Variants in NR6A1 observed in about 807,000 individuals in gnomAD.
NR6A1 encodes the protein nuclear receptor subfamily 6 group A member 1, also known as retinoic acid receptor-related testis-associated receptor.
In NR6A1, 7 loss-of-function variants were observed where a neutral mutation model predicts 59.1. The observed-to-expected ratio is 0.12, with a 90% CI of 0.07 to 0.22. NR6A1 has a LOEUF of 0.22. Among genes scored for constraint, NR6A1 ranks in the 10% least tolerant of loss-of-function variants. NR6A1 has a pLI of 1.00. For synonymous variants in NR6A1, 243 were observed against 236.1 expected (o/e 1.03, Z -0.27); for missense variants, 468 against 611.6 (o/e 0.77, Z 2.48).
In NR6A1 at chr9:124,738,864, G is replaced by A. The variant is rs141649462; in HGVS notation, c.101-5515C>T. On this transcript the variant is annotated intron_variant, in intron 1 of 9. Transcript: ENST00000487099. The stretch of plus-strand genomic sequence containing the variant: ...CTAAAAATACAAAAATTAGCCAGGC[G>A]TGGTGGCGCATGCTGTAGTCCTAGC... 1.1e-3 allele frequency among the ~76,000 whole-genome samples: 165 copies of A among 152,006 alleles called. 2 individuals are homozygous for A. The highest frequency in any genetic ancestry group is 4.8e-3 in the East Asian group (25 of 5,172).
intron 2 of NR6A1, among the ~76,000 whole-genome samples, chr9:124,646,184 T>G (rs1010535188): frequency 6.6e-6 from 1 of 152,016 alleles, no homozygotes; most frequent in African/African-American, 2.4e-5. Flanking sequence ...AGCTTCCACC[T>G]TAGGAAGCTA....
chr9:124,557,246 T>C (rs906340932), intron 2 of NR6A1, among the ~76,000 whole-genome samples: 1 of 152,156 alleles, frequency 6.6e-6, no homozygotes, highest in Non-Finnish European at 1.5e-5. Flanking sequence ...GTAATGATCC[T>C]GCCTCAGCCT....
intron 1 of NR6A1, among the ~76,000 whole-genome samples, chr9:124,762,893 T>G (rs537770876): frequency 1.3e-5 from 2 of 152,220 alleles, no homozygotes; most frequent in African/African-American, 4.8e-5. Context: ...GTACAAGTTT[T>G]CCAAAACTAA....
At chr9:124,522,828 G>C (rs1466591949) in intron 9 of NR6A1, 35 bp from the exon 10 acceptor site, 1 of 1,528,256 alleles carries the variant, frequency 6.5e-7, no homozygotes, top group Non-Finnish European at 8.9e-7. Context: ...AGTTAGCAGT[G>C]GTCACTCTAG....
intron 2 of NR6A1, among the ~76,000 whole-genome samples, chr9:124,711,512 CA>C (rs1004711633): frequency 6.6e-6 from 1 of 151,656 alleles, no homozygotes; most frequent in Admixed American, 6.6e-5. Flanking sequence ...GTGTCAGACC[CA>C]AAAATGGCGA....
rs149091923 is a variant in NR6A1, at chr9:124,610,618, A to G, written c.143-56048T>C. 4.7e-3 allele frequency among the ~76,000 whole-genome samples: 717 copies of G among 152,298 alleles called. 10 individuals carry two copies. The highest frequency in any genetic ancestry group is 0.016 in the African/African-American group (677 of 41,556). ...ATCAGGATGATGCTGGCCTCATAAA[A>G]TGAGTTAGGGAGGAGTTCCTACTTT... On this transcript the variant is annotated intron_variant, in intron 2 of 9. Coordinates refer to ENST00000487099, the MANE Select transcript of NR6A1 (RefSeq NM_033334.4).
chr9:124,555,737 T>C (rs1419495305), intron 2 of NR6A1, among the ~76,000 whole-genome samples: 1 of 152,214 alleles, frequency 6.6e-6, no homozygotes, highest in African/African-American at 2.4e-5. Context: ...TAGGGAAAAA[T>C]TGACCTTCTT....
chr9:124,661,203 T>G (rs1351750316), intron 2 of NR6A1, among the ~76,000 whole-genome samples: 2 of 152,174 alleles, frequency 1.3e-5, no homozygotes, highest in African/African-American at 4.8e-5. Context: ...CACTTTATTA[T>G]CAAATTAGTG....
chr9:124,751,553 G>A (rs7025189), intron 1 of NR6A1, among the ~76,000 whole-genome samples: 5,810 of 152,186 alleles, frequency 0.038, 318 homozygotes, highest in African/African-American at 0.12. Flanking sequence ...AAGTGTCACC[G>A]AGCAAGAATT....
intron 3 of NR6A1, among the ~76,000 whole-genome samples, chr9:124,544,265 AG>A (rs1321983223): frequency 6.6e-6 from 1 of 152,246 alleles, no homozygotes; most frequent in African/African-American, 2.4e-5. Context: ...TTTGATTTGT[AG>A]AATCAGAACA....
At chr9:124,692,541 T>C (rs368321988) in intron 2 of NR6A1, 19 of 523,764 alleles carry the variant, frequency 3.6e-5, no homozygotes, top group Non-Finnish European at 6.3e-5. Flanking sequence ...GACTGTACCT[T>C]GGGGTCCTTA....
intron 2 of NR6A1, among the ~76,000 whole-genome samples, chr9:124,725,119 C>T (rs7018964): frequency 0.024 from 3,616 of 152,234 alleles, 118 homozygotes; most frequent in East Asian, 0.096. Context: ...GGAAAAAACT[C>T]GGGGAGCAGG....
At chr9:124,760,517 T>C (rs1840759846) in intron 1 of NR6A1, among the ~76,000 whole-genome samples, 1 of 152,242 alleles carries the variant, frequency 6.6e-6, no homozygotes, top group East Asian at 1.9e-4. Context: ...TTACAGACCT[T>C]GTCTCTAATC....
intron 2 of NR6A1, among the ~76,000 whole-genome samples, chr9:124,585,581 C>T (rs1485889268): frequency 7.0e-6 from 1 of 143,426 alleles, no homozygotes; most frequent in Non-Finnish European, 1.5e-5. Flanking sequence ...CAAGGTGAAG[C>T]AGCAAGTGCT....
chr9:124,746,519 G>A (rs1008134694), intron 1 of NR6A1, among the ~76,000 whole-genome samples: 1 of 152,048 alleles, frequency 6.6e-6, no homozygotes, highest in African/African-American at 2.4e-5. Context: ...AACCCGGGAG[G>A]CAAAGGTTGC....
intron 2 of NR6A1, among the ~76,000 whole-genome samples, chr9:124,639,996 T>G (rs75101151): frequency 0.018 from 2,813 of 152,326 alleles, 84 homozygotes; most frequent in African/African-American, 0.064. Context: ...AAATTTGATA[T>G]GTAACACCTC....
Position 124,714,122 on chromosome 9 carries a change from A to C in NR6A1, c.142+19186T>G, listed in dbSNP as rs570782515. Among the ~76,000 whole-genome samples the C allele has an allele frequency of 3.3e-3, 506 of 152,348 alleles. 1 individual carries two copies. Among genetic ancestry groups the C allele is most frequent in the Non-Finnish European group, 5.9e-3 (401 of 68,030 alleles). On this transcript the variant is annotated intron_variant, in intron 2 of 9. Transcript: ENST00000487099. The stretch of plus-strand genomic sequence containing the variant: ...GATAAACTTTAGGCACATTATGCTA[A>C]GGGAAATAAGCCAGTTACAAAAGGA...
intron 2 of NR6A1, among the ~76,000 whole-genome samples, chr9:124,661,110 G>A (rs979776001): frequency 4.6e-5 from 7 of 151,970 alleles, no homozygotes; most frequent in African/African-American, 1.4e-4. Flanking sequence ...GAAAACTTCC[G>A]AGTTCTGGGT....
At chr9:124,605,640 A>G (rs1427252199) in intron 2 of NR6A1, among the ~76,000 whole-genome samples, 1 of 152,222 alleles carries the variant, frequency 6.6e-6, no homozygotes, top group African/African-American at 2.4e-5. Context: ...TTTAAAGGAT[A>G]AGGATACATA....
Sources: gnomAD v4.1 joint callset for allele counts (sites outside exome capture counted in the v4.1 genomes callset) on GRCh38, gnomAD v4.1.1 for gene constraint, MANE v1.5 for transcripts, NCBI Gene and HGNC (gene_info 2026-07-23, HGNC 2026-07-21) for gene names.